The following TENM4 variants were observed in gnomAD, a reference collection of about 807,000 sequenced individuals.
TENM4 encodes the protein teneurin-4.
A neutral mutation model predicts 243.3 loss-of-function variants in TENM4; 82 were observed. That is an observed-to-expected ratio of 0.34 (90% confidence interval 0.28 to 0.40). The LOEUF (loss-of-function observed/expected upper bound fraction) is 0.40. Among genes scored for constraint, TENM4 ranks in the 10% least tolerant of loss-of-function variants. The probability of loss-of-function intolerance (pLI) is 1.00; values close to 1 mark genes in which losing one functional copy is unlikely to be tolerated. For missense variants in TENM4, 3,138 were observed against 3,673.3 expected (o/e 0.85, Z 3.77); for synonymous variants, 1,412 against 1,456.3 (o/e 0.97, Z 0.69).
chr11:79,360,881 T>C (rs1159973080), intron 1 of TENM4, among the ~76,000 whole-genome samples: 1 of 152,210 alleles, frequency 6.6e-6, no homozygotes, highest in East Asian at 1.9e-4. Context: ...TACTAAAAAC[T>C]GTCTCTGAAT....
At chr11:78,835,678 C>T (rs1858088189) in intron 12 of TENM4, among the ~76,000 whole-genome samples, 1 of 152,188 alleles carries the variant, frequency 6.6e-6, no homozygotes, top group Non-Finnish European at 1.5e-5. Flanking sequence ...TCACCTAGCT[C>T]TCTCTATCCA....
At chr11:78,677,467 C>A (rs996737488) in intron 29 of TENM4, among the ~76,000 whole-genome samples, 1 of 152,020 alleles carries the variant, frequency 6.6e-6, no homozygotes, top group Non-Finnish European at 1.5e-5. Flanking sequence ...TTTGACCAGG[C>A]AGGTCTTGAA....
intron 16 of TENM4, among the ~76,000 whole-genome samples, chr11:78,784,600 G>A (rs1245483991): frequency 2.0e-5 from 3 of 152,126 alleles, no homozygotes; most frequent in Non-Finnish European, 4.4e-5. Context: ...CTTCTTCAAT[G>A]TCCTATGACA....
intron 3 of TENM4, among the ~76,000 whole-genome samples, chr11:79,156,962 C>A (rs887944015): frequency 2.0e-5 from 3 of 152,112 alleles, no homozygotes; most frequent in African/African-American, 7.2e-5. Context: ...GGAGTGGGGA[C>A]CCTCTCTCTG....
rs373597617 is a variant in TENM4, at chr11:78,732,516, T to C, written c.2938A>G (p.Ile980Val). 27 of 1,613,284 alleles carry C rather than the reference T, an allele frequency of 1.7e-5. No homozygotes were observed. Among genetic ancestry groups the C allele is most frequent in the African/African-American group, 4.0e-5 (3 of 74,826 alleles). ...IILRFERAPF[I>V]TQEHTLWLPW... ...AGCCACAGGGTGTGCTCCTGTGTGATGAAAGGTGCCCGCTCGAACCGCAGG... is the reference window on the plus strand; with the variant it reads ...AGCCACAGGGTGTGCTCCTGTGTGACGAAAGGTGCCCGCTCGAACCGCAGG... Residue 980 changes from isoleucine (I) to valine (V), a missense_variant, in exon 21 of 34, where the codon ATC becomes GTC. By Grantham distance (29) the Ile-to-Val change is conservative. Transcript: ENST00000278550.
chr11:79,416,726 C>T (rs1476646915), intron 1 of TENM4, among the ~76,000 whole-genome samples: 3 of 152,132 alleles, frequency 2.0e-5, no homozygotes, highest in African/African-American at 7.2e-5. Flanking sequence ...TGCCTCAAGT[C>T]ACAAATTAAT....
intron 3 of TENM4, among the ~76,000 whole-genome samples, chr11:79,194,350 T>G (rs747951253): frequency 1.3e-5 from 2 of 151,832 alleles, no homozygotes; most frequent in Admixed American, 6.6e-5. Context: ...TGGAAGCAGC[T>G]TTGGAACTAT....
chr11:78,698,892 G>A (rs1031426942), intron 28 of TENM4, among the ~76,000 whole-genome samples: 2 of 152,140 alleles, frequency 1.3e-5, no homozygotes, highest in African/African-American at 4.8e-5. Flanking sequence ...GTGGCTCTGC[G>A]TGTTATTTTC....
At chr11:78,684,848 T>G (rs1858627477) in intron 29 of TENM4, among the ~76,000 whole-genome samples, 1 of 152,248 alleles carries the variant, frequency 6.6e-6, no homozygotes, top group South Asian at 2.1e-4. Flanking sequence ...AGTTAATAAG[T>G]GCTCCAAAAA....
intron 1 of TENM4, among the ~76,000 whole-genome samples, chr11:79,408,118 G>A (rs1858612422): frequency 6.6e-6 from 1 of 152,098 alleles, no homozygotes; most frequent in Non-Finnish European, 1.5e-5. Flanking sequence ...TGGCCAGGCT[G>A]GTATCGAACT....
intron 28 of TENM4, among the ~76,000 whole-genome samples, chr11:78,696,340 C>A (rs1279902114): frequency 1.3e-5 from 2 of 152,138 alleles, no homozygotes; most frequent in Admixed American, 1.3e-4. Flanking sequence ...ATTTTAAATT[C>A]TCTGACAGAT....
intron 1 of TENM4, among the ~76,000 whole-genome samples, chr11:79,432,342 G>T (rs1022686402): frequency 1.6e-4 from 24 of 152,280 alleles, no homozygotes; most frequent in Admixed American, 3.3e-4. Flanking sequence ...ATTAATGTTT[G>T]CAAAGAGCTG....
intron 1 of TENM4, among the ~76,000 whole-genome samples, chr11:79,309,569 T>C (rs1856684375): frequency 6.6e-6 from 1 of 152,200 alleles, no homozygotes; most frequent in Non-Finnish European, 1.5e-5. Flanking sequence ...GTGTGTACTG[T>C]AGGCAATTCT....
chr11:79,414,166 AC>A (rs1565336634), intron 1 of TENM4, among the ~76,000 whole-genome samples: 1 of 151,828 alleles, frequency 6.6e-6, no homozygotes, highest in African/African-American at 2.4e-5. Context: ...GTACACACAC[AC>A]ACACACACAC....
At chr11:79,422,197 CAG>C (rs916274948) in intron 1 of TENM4, 8 of 152,680 alleles carry the variant, frequency 5.2e-5, no homozygotes, top group African/African-American at 1.2e-4. Flanking sequence ...CTAATGGTGA[CAG>C]GGGCCTGTTA....
chr11:79,261,597 A>C (rs1054144692), intron 2 of TENM4, among the ~76,000 whole-genome samples: 5 of 152,072 alleles, frequency 3.3e-5, no homozygotes, highest in African/African-American at 7.2e-5. Context: ...AGCTCTTCCC[A>C]CCTTCCTTGG....
intron 30 of TENM4, among the ~76,000 whole-genome samples, chr11:78,675,009 G>C (rs1401453908): frequency 6.6e-6 from 1 of 152,010 alleles, no homozygotes; most frequent in Non-Finnish European, 1.5e-5. Flanking sequence ...AGGATTACTG[G>C]TGTCCCCCAT....
rs915091910 is a variant in TENM4, at chr11:78,890,035, C to A, written c.849-15G>T. 10 of 1,521,730 alleles carry A rather than the reference C, an allele frequency of 6.6e-6. No homozygotes were observed. In the African/African-American group the frequency reaches 1.2e-4, roughly 19 times the overall value. The allele number at this position is 1,521,730 out of a possible 1,614,324, so 94.3% of individuals were successfully genotyped here. On this transcript the variant is annotated splice_polypyrimidine_tract_variant and intron_variant, in intron 8 of 33. Coordinates refer to ENST00000278550, the MANE Select transcript of TENM4 (RefSeq NM_001098816.3). The stretch of plus-strand genomic sequence containing the variant: ...AGAGGAAGTGCCTGCAGATGGAGAG[C>A]AGCAAGAGGGTGTCAGGGGCTGCCC...
chr11:79,170,305 C>T (rs886368727), intron 3 of TENM4, among the ~76,000 whole-genome samples: 3 of 152,112 alleles, frequency 2.0e-5, no homozygotes, highest in East Asian at 1.9e-4. Context: ...CAGCAGCTGC[C>T]TATGATGCAA....
Sources: allele counts gnomAD v4.1 joint callset (sites outside exome capture counted in the v4.1 genomes callset), GRCh38; gene constraint gnomAD v4.1.1; transcripts MANE v1.5; gene names NCBI Gene and HGNC (gene_info 2026-07-23, HGNC 2026-07-21).